The following MRPL2 variants were observed in gnomAD, a reference collection of about 807,000 sequenced individuals.
MRPL2 encodes large ribosomal subunit protein uL2m.
Under a neutral mutation model 34.6 loss-of-function variants are expected in MRPL2, and 27 were observed. The ratio of observed to expected loss-of-function variants is 0.78; its 90% confidence interval spans 0.58 to 1.08. MRPL2 has a LOEUF of 1.08. Ranked by LOEUF, MRPL2 falls within the 50% of genes least tolerant of loss-of-function variation. The pLI, the probability that MRPL2 is intolerant of heterozygous loss-of-function variation, is 0.00. For missense variants in MRPL2, 414 were observed against 419.3 expected (o/e 0.99, Z 0.11); for synonymous variants, 155 against 158.0 (o/e 0.98, Z 0.14).
intron 4 of MRPL2, 22 bp downstream of exon 4, chr6:43,056,059 A>G: frequency 6.2e-7 from 1 of 1,614,060 alleles, no homozygotes; most frequent in Non-Finnish European, 8.5e-7. Flanking sequence ...TCCAGCCCAC[A>G]CATCTGGTAG....
Position 43,054,189 on chromosome 6 carries a change from C to A in MRPL2, c.*85G>T, listed in dbSNP as rs370058840. The A allele has an allele frequency of 0.032, 32,537 of 1,002,232 alleles. 588 individuals are homozygous for A. The highest frequency in any genetic ancestry group is 0.035 in the Non-Finnish European group (24,944 of 704,300). The allele number at this position is 1,002,232 out of a possible 1,614,324, so 62.1% of individuals were successfully genotyped here. A position where few individuals can be genotyped will look rare whatever the true frequency, so the allele number is the denominator to read the frequency against. ...CTCCCCCGCAAAAAAAAAACAACAACAAAAAAAACAAAAAACACCCAAAAC... is the reference window on the plus strand; with the variant it reads ...CTCCCCCGCAAAAAAAAAACAACAAAAAAAAAAACAAAAAACACCCAAAAC... On this transcript the variant is annotated 3_prime_UTR_variant, in exon 7 of 7. Coordinates refer to ENST00000388752, the MANE Select transcript of MRPL2 (RefSeq NM_015950.5).
rs1418035575 is a variant in MRPL2 at position 43,059,330 on chromosome 6, G to C, written c.52C>G (p.Pro18Ala). 1.9e-6 allele frequency: 3 copies of C among 1,552,092 alleles called. No homozygotes were observed. The highest frequency in any genetic ancestry group is 3.9e-5 in the Admixed American group (2 of 51,098). The change falls in exon 1 of 7, where the codon CCG becomes GCG. Residue 18 changes from proline (P) to alanine (A), a missense_variant. By Grantham distance (27) the Pro-to-Ala change is conservative. Coordinates refer to ENST00000388752, the MANE Select transcript of MRPL2 (RefSeq NM_015950.5). ...CTCGGGGCAGGGGCGGCGACGGTCG[G>C]GGGCGCCAGGTTCAGAGAGCGCAGA... is the stretch of plus-strand genomic sequence containing the variant. ...RALRSLNLAP[P>A]TVAAPAPSLF... is the part of the protein sequence containing the mutation.
intron 6 of MRPL2, 123 bp from the exon 7 acceptor site, chr6:43,054,609 A>G (rs898273596): frequency 5.3e-6 from 4 of 755,800 alleles, no homozygotes; most frequent in Admixed American, 2.7e-5. Context: ...AAGGAAAAGC[A>G]TAAGATGGCT....
At chr6:43,055,752 GT>G in intron 5 of MRPL2, 134 bp from the exon 6 acceptor site, 1 of 1,285,038 alleles carries the variant, frequency 7.8e-7, no homozygotes, top group Non-Finnish European at 1.1e-6. Flanking sequence ...CGCATGCTAT[GT>G]TTTAGGTAAA....
At chr6:43,059,151 C>T in intron 1 of MRPL2, 135 bp downstream of exon 1, 1 of 1,549,560 alleles carries the variant, frequency 6.5e-7, no homozygotes, top group Non-Finnish European at 8.7e-7. Context: ...AAAGCTGAGG[C>T]TAAGTGTGCC....
intron 6 of MRPL2, 138 bp from the exon 7 acceptor site, chr6:43,054,624 C>G (rs1764768661): frequency 1.5e-6 from 1 of 681,456 alleles, no homozygotes; most frequent in African/African-American, 1.8e-5. Flanking sequence ...ATGGCTGACA[C>G]TAAGTGAAGG....
intron 2 of MRPL2, 118 bp from the exon 3 acceptor site, chr6:43,056,563 A>G (rs183512609): frequency 5.2e-5 from 68 of 1,302,376 alleles, no homozygotes; most frequent in Non-Finnish European, 6.8e-5. Flanking sequence ...ACAAGCAGAA[A>G]TGATAAAAAT....
chr6:43,056,613 T>C (rs1264239074), intron 2 of MRPL2, among the ~76,000 whole-genome samples, 168 bp from the exon 3 acceptor site: 2 of 152,154 alleles, frequency 1.3e-5, no homozygotes, highest in Non-Finnish European at 2.9e-5. Context: ...AACACCAACA[T>C]GAAGCTTGGT....
chr6:43,054,518 A>G (rs1422067706), intron 6 of MRPL2, 32 bp from the exon 7 acceptor site: 1 of 1,584,128 alleles, frequency 6.3e-7, no homozygotes, highest in Non-Finnish European at 8.7e-7. Context: ...GATTCTGTAC[A>G]ATGGGGGGGA....
intron 2 of MRPL2, chr6:43,057,561 C>G (rs1581987322): frequency 6.5e-6 from 1 of 154,302 alleles, no homozygotes; most frequent in Non-Finnish European, 1.4e-5. Flanking sequence ...CCAGGCTGGT[C>G]TTGAATTCCT....
intron 2 of MRPL2, among the ~76,000 whole-genome samples, chr6:43,056,929 T>C (rs1458969018): frequency 1.3e-5 from 2 of 152,172 alleles, no homozygotes; most frequent in Non-Finnish European, 2.9e-5. Flanking sequence ...CACCTTGGCC[T>C]CCCAAAGTGC....
chr6:43,059,511 C>G (rs77308303), upstream of MRPL2: 46,703 of 1,438,098 alleles, frequency 0.032, 869 homozygotes, highest in Non-Finnish European at 0.037. Context: ...GGATACACAC[C>G]TCCTTTCCTA....
chr6:43,058,103 G>C lies in MRPL2; in HGVS notation c.227C>G (p.Pro76Arg). Reference sequence around the variant, plus strand: ...GCCCCCAGACTTCCTCATCTTCACTGGTGTAATGGTGTACTTGGTACGACT... The same window carrying C: ...GCCCCCAGACTTCCTCATCTTCACTCGTGTAATGGTGTACTTGGTACGACT... ...WKSRTKYTITPVKMRKSGGRD... is the reference protein window; with the variant it reads ...WKSRTKYTITRVKMRKSGGRD... Residue 76 changes from proline (P) to arginine (R), a missense_variant, in exon 2 of 7, where the codon CCA (proline) becomes CGA (arginine). Pro to Arg is a moderately radical substitution (Grantham distance 103). Coordinates refer to ENST00000388752, the MANE Select transcript of MRPL2 (RefSeq NM_015950.5). 6.2e-7 allele frequency: 1 copy of C among 1,614,080 alleles called. No individual in the cohort carries two copies. Among genetic ancestry groups the C allele is most frequent in the Non-Finnish European group, 8.5e-7 (1 of 1,180,036 alleles).
rs755452901 is a variant in MRPL2 at position 43,055,528 on chromosome 6, T to C, written c.705+17A>G. On this transcript the variant is annotated intron_variant, in intron 6 of 6. Coordinates refer to ENST00000388752, the MANE Select transcript of MRPL2 (RefSeq NM_015950.5). ...ATTCCTCCTTTGCTGACCCCTCCCA[T>C]CCATACCCATACACACCTGCATCTG... The C allele has an allele frequency of 1.2e-6, 2 of 1,612,866 alleles. No homozygotes were observed. Among genetic ancestry groups the C allele is most frequent in the Non-Finnish European group, 1.7e-6 (2 of 1,179,474 alleles).
intron 2 of MRPL2, 106 bp downstream of exon 2, chr6:43,057,959 A>C: frequency 7.5e-7 from 1 of 1,331,288 alleles, no homozygotes; most frequent in Non-Finnish European, 1.0e-6. Context: ...GTGCTTTTTA[A>C]TTACATTCCT....
In MRPL2 at chr6:43,054,458, C is replaced by G; in HGVS notation, c.734G>C (p.Gly245Ala). The G allele has an allele frequency of 6.2e-7, 1 of 1,614,202 alleles. No individual in the cohort carries two copies. The highest frequency in any genetic ancestry group is 1.1e-5 in the South Asian group (1 of 91,088). ...GTTATGATCAACGTTGGATACTCGG[C>G]CTACTGTTGCTACGCACGTTTCCAG... ...QVLETCVATV[G>A]RVSNVDHNKR... The change falls in exon 7 of 7, where the codon GGC becomes GCC. Residue 245 changes from glycine (G) to alanine (A), a missense_variant. Coordinates refer to ENST00000388752, the MANE Select transcript of MRPL2 (RefSeq NM_015950.5).
At position 43,055,957 on chromosome 6, in the gene MRPL2, TC is replaced by T; in HGVS notation, c.570del (p.Thr191ProfsTer30). On this transcript the variant is annotated frameshift_variant, in exon 5 of 7. Coordinates refer to ENST00000388752, the MANE Select transcript of MRPL2 (RefSeq NM_015950.5). LOFTEE classifies it high-confidence loss of function. ...TCACTTTCCACGTTGTTGATGAGGG[TC>T]CCCACAGGCAGAGCCCCAAGAGGAT... ...DAHPLGALPV[G>X]TLINNVESEP... The T allele has an allele frequency of 6.2e-7, 1 of 1,613,838 alleles. No individual in the cohort carries two copies. Among genetic ancestry groups the T allele is most frequent in the Non-Finnish European group, 8.5e-7 (1 of 1,179,972 alleles).
chr6:43,054,973 G>C (rs1332611103), intron 6 of MRPL2, among the ~76,000 whole-genome samples: 1 of 152,060 alleles, frequency 6.6e-6, no homozygotes, highest in Non-Finnish European at 1.5e-5. Context: ...AGCTACTTGG[G>C]GGGCTGAGGC....
At position 43,058,049 on chromosome 6, in the gene MRPL2, C is replaced by T. The variant is rs1561906681; in HGVS notation, c.265+16G>A. On this transcript the variant is annotated intron_variant, in intron 2 of 6. Transcript: ENST00000388752. ...TTTCCTTTTGACTGCTTAAATCCCC[C>T]TGTCCTTGTTCCCACCTGTGTGGTC... 1 of 1,613,028 alleles carries T rather than the reference C, an allele frequency of 6.2e-7. No homozygotes were observed. Among genetic ancestry groups the T allele is most frequent in the South Asian group, 1.1e-5 (1 of 91,002 alleles).
Sources: gnomAD v4.1 joint callset for allele counts (sites outside exome capture counted in the v4.1 genomes callset) on GRCh38, gnomAD v4.1.1 for gene constraint, MANE v1.5 for transcripts, NCBI Gene and HGNC (gene_info 2026-07-23, HGNC 2026-07-21) for gene names.